Variants in TTLL11 observed in about 807,000 individuals in gnomAD.
TTLL11 encodes tubulin polyglutamylase TTLL11.
Under a neutral mutation model 51.7 loss-of-function variants are expected in TTLL11, and 42 were observed. The observed-to-expected ratio is 0.81, with a 90% CI of 0.64 to 1.05. The LOEUF (loss-of-function observed/expected upper bound fraction) is 1.05, where lower values mean the gene tolerates loss of function less well. Among genes scored for constraint, TTLL11 ranks in the 50% least tolerant of loss-of-function variants. The probability of loss-of-function intolerance (pLI) is 0.00; values close to 1 mark genes in which losing one functional copy is unlikely to be tolerated. For missense variants in TTLL11, 799 were observed against 940.4 expected (o/e 0.85, Z 1.97); for synonymous variants, 381 against 383.5 (o/e 0.99, Z 0.08).
chr9:121,905,271 C>T (rs927273792), intron 6 of TTLL11, among the ~76,000 whole-genome samples: 10 of 152,250 alleles, frequency 6.6e-5, no homozygotes, highest in Admixed American at 4.6e-4. Flanking sequence ...AATCCCTTTC[C>T]ACTCCTCTTG....
At chr9:122,024,837 A>T (rs1046683864) in intron 3 of TTLL11, among the ~76,000 whole-genome samples, 2 of 152,182 alleles carry the variant, frequency 1.3e-5, no homozygotes, top group African/African-American at 4.8e-5. Context: ...AGACAAAAAC[A>T]TAGCAGAATA....
At chr9:122,040,906 C>T (rs938069335) in intron 1 of TTLL11, among the ~76,000 whole-genome samples, 2 of 152,198 alleles carry the variant, frequency 1.3e-5, no homozygotes, top group Non-Finnish European at 2.9e-5. Flanking sequence ...TGAGATACAA[C>T]ATATGTTATT....
chr9:122,061,802 T>C (rs1845440583), intron 1 of TTLL11, among the ~76,000 whole-genome samples: 1 of 152,098 alleles, frequency 6.6e-6, no homozygotes, highest in Non-Finnish European at 1.5e-5. Context: ...CACGCCCTGC[T>C]AATTTTTGTA....
At chr9:122,055,971 C>T (rs967985842) in intron 1 of TTLL11, among the ~76,000 whole-genome samples, 4 of 152,326 alleles carry the variant, frequency 2.6e-5, no homozygotes, top group East Asian at 3.9e-4. Context: ...CACTAACTTG[C>T]GGAGCTGCCT....
chr9:121,941,075 T>C (rs980373271), intron 6 of TTLL11, among the ~76,000 whole-genome samples: 11 of 152,234 alleles, frequency 7.2e-5, no homozygotes, highest in Non-Finnish European at 1.3e-4. Context: ...TTTAACTGTG[T>C]TGTGCCTGTC....
chr9:122,093,053 G>T lies in TTLL11; in HGVS notation c.96C>A (p.Ala32=). Residue 32 remains alanine, a synonymous_variant, in exon 1 of 9, where the codon GCC becomes GCA. Coordinates refer to ENST00000321582, the MANE Select transcript of TTLL11 (RefSeq NM_001139442.2). The stretch of plus-strand genomic sequence containing the variant: ...CCTGTTCCGCCACCGTCTCCGCTGT[G>T]GCCTCGGCCTCAGCTTTGGCCGCCG... ...AKAAAKAEAE[A]TAETVAEQVR... 1 of 1,516,720 alleles carries T rather than the reference G, an allele frequency of 6.6e-7. No individual in the cohort carries two copies. The highest frequency in any genetic ancestry group is 1.2e-5 in the South Asian group (1 of 81,798). 94.0% of individuals were successfully genotyped at this position (1,516,720 alleles called of 1,614,324 possible).
At chr9:121,864,594 C>T (rs1022012472) in intron 7 of TTLL11, among the ~76,000 whole-genome samples, 2 of 152,214 alleles carry the variant, frequency 1.3e-5, no homozygotes, top group Non-Finnish European at 2.9e-5. Flanking sequence ...AAAGGCTGCT[C>T]ACCGTACAAG....
At chr9:122,081,877 A>T (rs888139225) in intron 1 of TTLL11, among the ~76,000 whole-genome samples, 4 of 152,258 alleles carry the variant, frequency 2.6e-5, no homozygotes, top group African/African-American at 9.6e-5. Context: ...AAACATAAAC[A>T]AAACAATCCA....
chr9:122,006,479 C>CAACA (rs1459756199), intron 3 of TTLL11, among the ~76,000 whole-genome samples: 2 of 151,608 alleles, frequency 1.3e-5, no homozygotes, highest in African/African-American at 2.4e-5. Context: ...GTCACTCATA[C>CAACA]AACACCCAGT....
In TTLL11 at chr9:121,980,270, T is replaced by TACAAA. The variant is rs543406398; in HGVS notation, c.1270-5296_1270-5292dup. The stretch of plus-strand genomic sequence containing the variant: ...AATGAGATTTGGATTCCAGTTCTAA[T>TACAAA]ACAAACACTGGACAGGTATACTTGA... On this transcript the variant is annotated intron_variant, in intron 4 of 8. Coordinates refer to ENST00000321582, the MANE Select transcript of TTLL11 (RefSeq NM_001139442.2). 1.5e-3 allele frequency among the ~76,000 whole-genome samples: 224 copies of TACAAA among 152,262 alleles called. 1 individual carries two copies. The highest frequency in any genetic ancestry group is 5.0e-3 in the African/African-American group (208 of 41,542).
chr9:121,897,923 CTT>C (rs113818323), intron 6 of TTLL11, among the ~76,000 whole-genome samples: 2 of 143,130 alleles, frequency 1.4e-5, no homozygotes, highest in Non-Finnish European at 1.5e-5. Flanking sequence ...TTCTTCTATT[CTT>C]TTTTTTTTTT....
intron 1 of TTLL11, among the ~76,000 whole-genome samples, chr9:122,057,660 T>C (rs1421997581): frequency 6.6e-6 from 1 of 152,140 alleles, no homozygotes; most frequent in Admixed American, 6.5e-5. Context: ...AAAAACATCT[T>C]AAAATTTTGA....
At chr9:121,844,586 A>G (rs1267728067) in intron 8 of TTLL11, among the ~76,000 whole-genome samples, 1 of 152,250 alleles carries the variant, frequency 6.6e-6, no homozygotes, top group Admixed American at 6.5e-5. Flanking sequence ...GAGAATACAA[A>G]ATAATGATTA....
chr9:122,066,629 G>A (rs2131883561), intron 1 of TTLL11, among the ~76,000 whole-genome samples: 1 of 152,274 alleles, frequency 6.6e-6, no homozygotes, highest in East Asian at 1.9e-4. Context: ...AGAGGCCACA[G>A]AATCTCTCAG....
At chr9:121,957,424 G>A (rs141243386) in intron 6 of TTLL11, among the ~76,000 whole-genome samples, 3 of 152,028 alleles carry the variant, frequency 2.0e-5, no homozygotes, top group Non-Finnish European at 4.4e-5. Flanking sequence ...TTTGTACCCC[G>A]CTCTGAGCCT....
chr9:121,901,505 T>G (rs1839773359), intron 6 of TTLL11, among the ~76,000 whole-genome samples: 1 of 152,162 alleles, frequency 6.6e-6, no homozygotes, highest in Admixed American at 6.5e-5. Context: ...TTATAAGTAT[T>G]CTGTTTTTCA....
chr9:121,829,118 A>G (rs962323104), intron 8 of TTLL11, among the ~76,000 whole-genome samples: 6 of 151,936 alleles, frequency 3.9e-5, no homozygotes, highest in Non-Finnish European at 8.8e-5. Context: ...ATGCCCAGCT[A>G]ATTTTTTTGT....
intron 8 of TTLL11, among the ~76,000 whole-genome samples, chr9:121,827,637 G>A (rs1384492273): frequency 6.6e-6 from 1 of 152,232 alleles, no homozygotes; most frequent in Non-Finnish European, 1.5e-5. Flanking sequence ...TGCACGCCAT[G>A]AGCATATGGG....
chr9:121,953,590 G>A (rs958311033), intron 6 of TTLL11, among the ~76,000 whole-genome samples: 3 of 144,420 alleles, frequency 2.1e-5, no homozygotes, highest in African/African-American at 2.6e-5. Context: ...CTGAGATCGC[G>A]CTAATGCACT....
Sources: gnomAD v4.1 joint callset for allele counts (sites outside exome capture counted in the v4.1 genomes callset) on GRCh38, gnomAD v4.1.1 for gene constraint, MANE v1.5 for transcripts, NCBI Gene and HGNC (gene_info 2026-07-23, HGNC 2026-07-21) for gene names.